The following NHSL1 variants were observed in gnomAD, a reference collection of about 807,000 sequenced individuals.
The protein encoded by NHSL1 is NHS-like protein 1.
NHSL1 carries 48 observed loss-of-function variants against 95.0 expected under a neutral mutation model. The ratio of observed to expected loss-of-function variants is 0.51; its 90% CI spans 0.40 to 0.64. The LOEUF (loss-of-function observed/expected upper bound fraction) is 0.64, where lower values mean the gene tolerates loss of function less well. Among genes scored for constraint, NHSL1 ranks in the 30% least tolerant of loss-of-function variants. NHSL1 has a pLI of 0.00. For synonymous variants in NHSL1, 783 were observed against 833.9 expected (o/e 0.94, Z 1.05); for missense variants, 1,971 against 2,077.7 (o/e 0.95, Z 1.00).
At chr6:138,464,364 C>T (rs1778207496) in intron 3 of NHSL1, 2 of 478,482 alleles carry the variant, frequency 4.2e-6, no homozygotes, top group South Asian at 2.3e-5. Flanking sequence ...CAGGTGGTCG[C>T]CATCGCTGCC....
At chr6:138,675,566 G>A (rs1021548247) in intron 1 of NHSL1, among the ~76,000 whole-genome samples, 3 of 151,776 alleles carry the variant, frequency 2.0e-5, no homozygotes, top group South Asian at 2.1e-4. Context: ...ACAGAGTCTC[G>A]CTCTGTCACC....
Position 138,424,651 on chromosome 6 carries a change from G to T in NHSL1, c.4251C>A (p.Asp1417Glu), listed in dbSNP as rs1481760272. 6 of 1,551,422 alleles carry T rather than the reference G, an allele frequency of 3.9e-6. No individual in the cohort carries two copies. Among genetic ancestry groups the T allele is most frequent in the Admixed American group, 2.0e-5 (1 of 50,974 alleles). Residue 1417 changes from aspartate (D) to glutamate (E), a missense_variant, in exon 8 of 8, where the codon GAC becomes GAA. By Grantham distance (45) the Asp-to-Glu change is conservative. Transcript: ENST00000343505. This position sits in a 1 kb window ranked among gnomAD's most constrained non-coding sequence, Gnocchi z 5.9. ...RSIRKSSTSSDNFKALLLKKG... is the reference protein window; with the variant it reads ...RSIRKSSTSSENFKALLLKKG... ...TTTTCAGCAGCAGAGCTTTGAAGTT[G>T]TCACTGCTGGTGCTGCTCTTTCGGA...
chr6:138,512,064 T>G (rs753377653), intron 1 of NHSL1, among the ~76,000 whole-genome samples: 10 of 152,234 alleles, frequency 6.6e-5, no homozygotes, highest in African/African-American at 9.6e-5. Context: ...TGTGCTGCAA[T>G]GCATATAAAT....
At chr6:138,516,459 T>C (rs1347390806) in intron 1 of NHSL1, among the ~76,000 whole-genome samples, 10 of 152,214 alleles carry the variant, frequency 6.6e-5, no homozygotes, top group Non-Finnish European at 1.5e-4. Flanking sequence ...TCTGCTGGCC[T>C]GCTGGGATGA....
intron 1 of NHSL1, among the ~76,000 whole-genome samples, chr6:138,585,879 CA>C (rs776882873): frequency 5.0e-4 from 56 of 112,914 alleles, no homozygotes; most frequent in South Asian, 5.7e-4. Flanking sequence ...CCAGTCTCTA[CA>C]AAAAAAAAAA....
intron 1 of NHSL1, among the ~76,000 whole-genome samples, chr6:138,630,844 G>A (rs901095159): frequency 2.0e-5 from 3 of 152,296 alleles, no homozygotes; most frequent in African/African-American, 7.2e-5. Context: ...TCCACCCATC[G>A]TCCTGCAAAA....
At chr6:138,511,399 A>T (rs547812274) in intron 1 of NHSL1, among the ~76,000 whole-genome samples, 150 of 145,288 alleles carry the variant, frequency 1.0e-3, no homozygotes, top group Middle Eastern at 3.5e-3. Flanking sequence ...AGAGAGAGAG[A>T]GTGTGTGTGT....
At chr6:138,496,990 C>T (rs1427929888) in intron 1 of NHSL1, among the ~76,000 whole-genome samples, 1 of 152,080 alleles carries the variant, frequency 6.6e-6, no homozygotes, top group Admixed American at 6.6e-5. Flanking sequence ...TTCATGAAAC[C>T]CTTTTATATT....
rs1295928113 is a variant in NHSL1, at chr6:138,424,203, A to G, written c.4699T>C (p.Cys1567Arg). The G allele has an allele frequency of 6.7e-7, 1 of 1,495,324 alleles. No homozygotes were observed. The highest frequency in any genetic ancestry group is 8.9e-7 in the Non-Finnish European group (1 of 1,125,136). The allele number at this position is 1,495,324 out of a possible 1,614,324, so 92.6% of individuals were successfully genotyped here. ...AGGGAGGCGGCAGGCCCCTCCCCACAGAGCAGGCCGCCCTCGTCCATCTCC... is the reference window on the plus strand; with the variant it reads ...AGGGAGGCGGCAGGCCCCTCCCCACGGAGCAGGCCGCCCTCGTCCATCTCC... ...REEMDEGGLL[C>R]GEGPAASLQP... Residue 1567 changes from cysteine (C) to arginine (R), a missense_variant, in exon 8 of 8, where the codon TGT becomes CGT. This residue lies in a region of NHSL1 where 223 missense variants were observed against 217.0 expected (regional missense o/e 1.03). Coordinates refer to ENST00000343505, the MANE Select transcript of NHSL1 (RefSeq NM_001144060.2). This position sits in a 1 kb window ranked among gnomAD's most constrained non-coding sequence, Gnocchi z 5.9.
chr6:138,474,147 C>T (rs1400510012), intron 2 of NHSL1, among the ~76,000 whole-genome samples: 1 of 152,138 alleles, frequency 6.6e-6, no homozygotes, highest in African/African-American at 2.4e-5. Flanking sequence ...GCTGGCGGCT[C>T]TCATGGGTGG....
chr6:138,545,766 G>T, upstream of NHSL1: 1 of 1,206,288 alleles, frequency 8.3e-7, no homozygotes, highest in Non-Finnish European at 1.1e-6. Context: ...GCCAGCGCCT[G>T]TTACTCCAGG....
upstream of NHSL1, among the ~76,000 whole-genome samples, chr6:138,549,252 G>A (rs1395109905): frequency 2.0e-5 from 3 of 152,108 alleles, no homozygotes; most frequent in African/African-American, 7.2e-5. Context: ...GCGTAGTGGC[G>A]CATGCCTGTA....
At chr6:138,665,811 A>G (rs1335623823) in intron 1 of NHSL1, among the ~76,000 whole-genome samples, 12 of 149,674 alleles carry the variant, frequency 8.0e-5, no homozygotes, top group Admixed American at 7.4e-4. Flanking sequence ...CCCTCTAATT[A>G]AAAAAAAAAC....
At position 138,571,613 on chromosome 6, in the gene NHSL1, T is replaced by C. The variant is rs78928133; in HGVS notation, c.202+97A>G. On this transcript the variant is annotated intron_variant, in intron 1 of 6. Coordinates refer to the NHSL1 transcript ENST00000427025. ...AAACAAACATTTCAAAAGAAACTCC[T>C]AATGGGGGCAAAAATCATGAAGGGG... 0.014 allele frequency: 15,863 copies of C among 1,159,800 alleles called. 1,471 individuals are homozygous for C. The African/African-American group carries it at 0.21, about 15-fold the overall frequency. 71.8% of individuals were successfully genotyped at this position (1,159,800 alleles called of 1,614,324 possible).
At chr6:138,469,748 AAAC>A (rs945396103) in intron 3 of NHSL1, among the ~76,000 whole-genome samples, 13 of 152,262 alleles carry the variant, frequency 8.5e-5, no homozygotes, top group South Asian at 4.1e-4. Flanking sequence ...ACAAAAAACA[AAAC>A]AACAACAACA....
At chr6:138,463,268 A>T (rs1175916447) in intron 3 of NHSL1, among the ~76,000 whole-genome samples, 1 of 152,116 alleles carries the variant, frequency 6.6e-6, no homozygotes, top group East Asian at 1.9e-4. Flanking sequence ...AATCAATCAG[A>T]TCATGTTACT....
rs542439177 is a variant in NHSL1, at chr6:138,520,398, C to T, written c.17-24027G>A. Among the ~76,000 whole-genome samples the T allele has an allele frequency of 2.9e-3, 429 of 147,390 alleles. 1 individual carries two copies. The highest frequency in any genetic ancestry group is 0.01 in the African/African-American group (413 of 39,708). ...CTGCCTCCCGGGTTCAAGCAATTCT[C>T]CTGCCCTCCACCTTCCAAGTAGCTG... On this transcript the variant is annotated intron_variant, in intron 1 of 4. Transcript: ENST00000342260.
In NHSL1 at chr6:138,437,391, T is replaced by C. The variant is rs58011892; in HGVS notation, c.665-3711A>G. ...ATATATACACATATATATATACACATATATATATATATACACACATATACA... is the reference window on the plus strand; with the variant it reads ...ATATATACACATATATATATACACACATATATATATATACACACATATACA... On this transcript the variant is annotated intron_variant, in intron 5 of 7. Transcript: ENST00000343505. 4.8e-3 allele frequency among the ~76,000 whole-genome samples: 278 copies of C among 58,378 alleles called. 23 individuals are homozygous for C. The highest frequency in any genetic ancestry group is 7.2e-3 in the Non-Finnish European group (222 of 30,842). The allele number at this position is 58,378 out of a possible 152,430, so 38.3% of individuals were successfully genotyped here. A position where few individuals can be genotyped will look rare whatever the true frequency, so the allele number is the denominator to read the frequency against.
chr6:138,440,439 G>T (rs1416189143), intron 5 of NHSL1, among the ~76,000 whole-genome samples: 1 of 152,156 alleles, frequency 6.6e-6, no homozygotes, highest in Non-Finnish European at 1.5e-5. Flanking sequence ...TGTGGGGCAC[G>T]AACCAAAGAC....
Sources: allele counts gnomAD v4.1 joint callset (sites outside exome capture counted in the v4.1 genomes callset), GRCh38; gene constraint gnomAD v4.1.1; regional missense constraint gnomAD v4.1.1; non-coding constraint Gnocchi (gnomAD v3.1); transcripts MANE v1.5; gene names NCBI Gene and HGNC (gene_info 2026-07-23, HGNC 2026-07-21).